CACNB4: variants seen among roughly 807,000 people sequenced by gnomAD.
CACNB4 encodes voltage-dependent L-type calcium channel subunit beta-4.
CACNB4 carries 32 observed loss-of-function variants against 71.2 expected under a neutral mutation model. The observed-to-expected ratio is 0.45, with a 90% CI of 0.34 to 0.60. CACNB4 has a LOEUF of 0.60. Ranked by LOEUF, CACNB4 falls within the 20% of genes least tolerant of loss-of-function variation. CACNB4 has a pLI of 0.01. For synonymous variants in CACNB4, 231 were observed against 236.9 expected (o/e 0.97, Z 0.23); for missense variants, 464 against 647.9 (o/e 0.72, Z 3.08).
chr2:151,906,032 A>G (rs1481705943), intron 2 of CACNB4, among the ~76,000 whole-genome samples: 1 of 152,228 alleles, frequency 6.6e-6, no homozygotes, highest in Non-Finnish European at 1.5e-5. Context: ...CTTTCTATAC[A>G]TGAGCACATG....
chr2:151,842,471 C>T (rs983253054), intron 12 of CACNB4, among the ~76,000 whole-genome samples: 5 of 151,844 alleles, frequency 3.3e-5, no homozygotes, highest in African/African-American at 9.7e-5. Flanking sequence ...GCTGGGATTA[C>T]AGGCGCCTGC....
intron 2 of CACNB4, among the ~76,000 whole-genome samples, chr2:152,021,303 C>A (rs1026159288): frequency 6.6e-6 from 1 of 152,054 alleles, no homozygotes; most frequent in Admixed American, 6.6e-5. Context: ...AAACTATATT[C>A]TCTACCTTAT....
intron 2 of CACNB4, among the ~76,000 whole-genome samples, chr2:152,081,985 C>T (rs1049999167): frequency 8.5e-5 from 13 of 152,200 alleles, no homozygotes; most frequent in African/African-American, 3.1e-4. Flanking sequence ...TCCAATATGG[C>T]AACTTGTGTT....
rs1187911812 is a variant in CACNB4 at position 151,887,478 on chromosome 2, TA to T, written c.148-4109del. ...ATTTTGGTCTAGACTCTTTTCCCTT[TA>T]GGGAATCTTCTCAAGTACAAAATGC... On this transcript the variant is annotated intron_variant, in intron 2 of 13. Transcript: ENST00000539935. 2.6e-5 allele frequency among the ~76,000 whole-genome samples: 4 copies of T among 151,992 alleles called. No individual in the cohort carries two copies. In the East Asian group the frequency reaches 5.8e-4, roughly 22 times the overall value.
At chr2:151,982,823 G>A (rs946395703) in intron 2 of CACNB4, among the ~76,000 whole-genome samples, 3 of 152,104 alleles carry the variant, frequency 2.0e-5, no homozygotes, top group African/African-American at 7.2e-5. Flanking sequence ...TTATTTAGGG[G>A]TCTCTTGTTG....
At chr2:151,877,098 T>G (rs1232336926) in intron 4 of CACNB4, among the ~76,000 whole-genome samples, 1 of 148,180 alleles carries the variant, frequency 6.7e-6, no homozygotes, top group African/African-American at 2.5e-5. Context: ...CACATAGATA[T>G]CTATATATAC....
At chr2:152,084,202 A>T (rs1687522292) in intron 2 of CACNB4, among the ~76,000 whole-genome samples, 1 of 152,162 alleles carries the variant, frequency 6.6e-6, no homozygotes, top group Non-Finnish European at 1.5e-5. Context: ...CATGCTGCAG[A>T]AGCTGGCTTT....
chr2:152,042,292 C>A lies in CACNB4; in HGVS notation c.147+56038G>T, dbSNP rs111835388. On this transcript the variant is annotated intron_variant, in intron 2 of 13. Transcript: ENST00000539935. ...TCCTCTTCCCGCATAACCCTAGGAA[C>A]GCTTTCCAATTCCATTTCCTTTCAT... 2.3e-3 allele frequency among the ~76,000 whole-genome samples: 352 copies of A among 152,342 alleles called. 1 individual carries two copies. Among genetic ancestry groups the A allele is most frequent in the Non-Finnish European group, 4.5e-3 (305 of 68,026 alleles).
chr2:151,895,817 T>C (rs903961044), intron 2 of CACNB4, among the ~76,000 whole-genome samples: 1 of 150,282 alleles, frequency 6.7e-6, no homozygotes, highest in African/African-American at 2.5e-5. Context: ...GTCCCATGAT[T>C]AGTGTTAAGT....
chr2:151,838,166 G>A lies in CACNB4; in HGVS notation c.*953C>T, dbSNP rs559978962. 1.4e-4 allele frequency: 22 copies of A among 152,670 alleles called. No individual in the cohort carries two copies. Among genetic ancestry groups the A allele is most frequent in the African/African-American group, 5.1e-4 (21 of 41,564 alleles). 9.5% of individuals were successfully genotyped at this position (152,670 alleles called of 1,614,324 possible). A position where few individuals can be genotyped will look rare whatever the true frequency, so the allele number is the denominator to read the frequency against. The stretch of plus-strand genomic sequence containing the variant: ...CCTGGAAGTGTTTAGCATTGCACTC[G>A]GGAGGATTGGTACCACATCCTTACT... On this transcript the variant is annotated 3_prime_UTR_variant, in exon 14 of 14. Transcript: ENST00000539935.
At position 151,837,301 on chromosome 2, in the gene CACNB4, T is replaced by C. The variant is rs2099835094; in HGVS notation, c.*1818A>G. On this transcript the variant is annotated 3_prime_UTR_variant, in exon 14 of 14. Coordinates refer to ENST00000539935, the MANE Select transcript of CACNB4 (RefSeq NM_000726.5). Reference sequence around the variant, plus strand: ...AATTATAGGTATCCTCATTATCAGCTAAACAGGTTCATAATGGGGTACAAA... The same window carrying C: ...AATTATAGGTATCCTCATTATCAGCCAAACAGGTTCATAATGGGGTACAAA... 1 of 152,008 alleles carries C rather than the reference T, an allele frequency of 6.6e-6. No homozygotes were observed. Among genetic ancestry groups the C allele is most frequent in the Non-Finnish European group, 1.5e-5 (1 of 67,894 alleles). 9.4% of individuals were successfully genotyped at this position (152,008 alleles called of 1,614,324 possible). A position where few individuals can be genotyped will look rare whatever the true frequency, so the allele number is the denominator to read the frequency against.
At chr2:152,072,545 T>C (rs1262968240) in intron 2 of CACNB4, among the ~76,000 whole-genome samples, 1 of 152,232 alleles carries the variant, frequency 6.6e-6, no homozygotes, top group East Asian at 1.9e-4. Context: ...ATAGTAATCT[T>C]TTAACATTAT....
chr2:151,994,255 T>C (rs1478911304), intron 2 of CACNB4, among the ~76,000 whole-genome samples: 2 of 151,754 alleles, frequency 1.3e-5, no homozygotes. Flanking sequence ...TTTCAGACAC[T>C]GTCTCACTCT....
rs140665431 is a variant in CACNB4, at chr2:151,946,910, G to A, written c.148-63540C>T. 2.9e-3 allele frequency among the ~76,000 whole-genome samples: 435 copies of A among 152,234 alleles called. 1 individual carries two copies. The highest frequency in any genetic ancestry group is 4.8e-3 in the Non-Finnish European group (327 of 68,006). On this transcript the variant is annotated intron_variant, in intron 2 of 13. Coordinates refer to ENST00000539935, the MANE Select transcript of CACNB4 (RefSeq NM_000726.5). ...AAGGAATATTATGACTCTGAAGGACGGTGATTCTGAGTCCTTTAGAAAACA... is the reference window on the plus strand; with the variant it reads ...AAGGAATATTATGACTCTGAAGGACAGTGATTCTGAGTCCTTTAGAAAACA...
Position 151,865,230 on chromosome 2 carries a change from C to T in CACNB4, c.758+3947G>A, listed in dbSNP as rs114648097. Among the ~76,000 whole-genome samples the T allele has an allele frequency of 5.0e-3, 756 of 152,232 alleles. 5 individuals are homozygous for T. The highest frequency in any genetic ancestry group is 0.018 in the African/African-American group (730 of 41,536). ...TTGCCTTGTGACAGCACCAATTGTT[C>T]CCATTTCTTTTTATTAATAAATACT... On this transcript the variant is annotated intron_variant, in intron 9 of 13. Transcript: ENST00000539935.
intron 2 of CACNB4, among the ~76,000 whole-genome samples, chr2:152,051,463 TGATG>T (rs1685426754): frequency 6.6e-6 from 1 of 152,158 alleles, no homozygotes; most frequent in Non-Finnish European, 1.5e-5. Flanking sequence ...ATCTCCAGTG[TGATG>T]GCATTTGGAG....
rs2010310 is a variant in CACNB4 at position 152,030,376 on chromosome 2, C to T, written c.147+67954G>A. On this transcript the variant is annotated intron_variant, in intron 2 of 13. Coordinates refer to ENST00000539935, the MANE Select transcript of CACNB4 (RefSeq NM_000726.5). ...CACTATGTATAGATGAAATTTTACA[C>T]AAGATCATCATTAATTTTTACAGAT... 3.1e-3 allele frequency among the ~76,000 whole-genome samples: 469 copies of T among 152,174 alleles called. 5 individuals carry two copies. The highest frequency in any genetic ancestry group is 0.011 in the African/African-American group (449 of 41,516).
intron 2 of CACNB4, among the ~76,000 whole-genome samples, chr2:152,097,674 G>C (rs899560388): frequency 1.3e-5 from 2 of 152,176 alleles, no homozygotes; most frequent in Admixed American, 1.3e-4. Context: ...AACCACGCAG[G>C]AGAAAGCAAG....
At chr2:151,871,957 C>T in intron 6 of CACNB4, 5 of 157,108 alleles carry the variant, frequency 3.2e-5, no homozygotes, top group Non-Finnish European at 6.9e-5. Flanking sequence ...TAAACGAGGC[C>T]CTCCCTCCTT....
Sources: allele counts gnomAD v4.1 joint callset (sites outside exome capture counted in the v4.1 genomes callset), GRCh38; gene constraint gnomAD v4.1.1; transcripts MANE v1.5; gene names NCBI Gene and HGNC (gene_info 2026-07-23, HGNC 2026-07-21).